The following CSMD1 variants were observed in gnomAD, a reference collection of about 807,000 sequenced individuals.
The protein encoded by CSMD1 is CUB and Sushi multiple domains 1.
Under a neutral mutation model 417.5 loss-of-function variants are expected in CSMD1, and 213 were observed. The ratio of observed to expected loss-of-function variants is 0.51; its 90% CI spans 0.46 to 0.57. CSMD1 has a LOEUF of 0.57. Among genes scored for constraint, CSMD1 ranks in the 20% least tolerant of loss-of-function variants. The pLI, the probability that CSMD1 is intolerant of heterozygous loss-of-function variation, is 0.00. For missense variants in CSMD1, 6,923 were observed against 4,529.7 expected (o/e 1.53, Z -15.17); for synonymous variants, 2,862 against 1,736.8 (o/e 1.65, Z -16.11).
chr8:3,726,808 T>A (rs562647194), intron 6 of CSMD1, among the ~76,000 whole-genome samples: 1 of 152,306 alleles, frequency 6.6e-6, no homozygotes, highest in African/African-American at 2.4e-5. Flanking sequence ...TGTGCAAATA[T>A]CTAATGTTTT....
intron 1 of CSMD1, among the ~76,000 whole-genome samples, chr8:4,886,177 G>C (rs1392839795): frequency 4.6e-5 from 7 of 151,904 alleles, no homozygotes; most frequent in Non-Finnish European, 1.0e-4. Context: ...TTTTAGTAAA[G>C]ATCAGGTTTC....
intron 1 of CSMD1, among the ~76,000 whole-genome samples, chr8:4,736,659 T>C (rs1335991930): frequency 6.6e-6 from 1 of 152,194 alleles, no homozygotes; most frequent in Non-Finnish European, 1.5e-5. Flanking sequence ...GAATGATTTT[T>C]ATGCATAACT....
intron 7 of CSMD1, among the ~76,000 whole-genome samples, chr8:3,643,008 AG>A (rs1797382925): frequency 6.6e-6 from 1 of 152,136 alleles, no homozygotes; most frequent in South Asian, 2.1e-4. Flanking sequence ...AATAGATGTA[AG>A]AAATTTTTCA....
At chr8:3,505,555 T>C (rs1049883755) in intron 10 of CSMD1, among the ~76,000 whole-genome samples, 8 of 152,174 alleles carry the variant, frequency 5.3e-5, no homozygotes, top group African/African-American at 1.9e-4. Flanking sequence ...ATACGTCACC[T>C]CACAGAATTC....
intron 26 of CSMD1, among the ~76,000 whole-genome samples, chr8:3,280,542 G>A (rs1245918037): frequency 6.6e-6 from 1 of 152,086 alleles, no homozygotes; most frequent in Non-Finnish European, 1.5e-5. Context: ...CCCTAAATGA[G>A]TATTTCTGAA....
chr8:4,359,149 C>T (rs146589435), intron 3 of CSMD1, among the ~76,000 whole-genome samples: 16 of 152,232 alleles, frequency 1.1e-4, no homozygotes, highest in East Asian at 7.7e-4. Context: ...TAGCCCAGTT[C>T]GGTCACTAAT....
intron 7 of CSMD1, among the ~76,000 whole-genome samples, chr8:3,686,512 G>C (rs938322376): frequency 6.6e-6 from 1 of 152,114 alleles, no homozygotes; most frequent in Admixed American, 6.5e-5. Flanking sequence ...CCAGTTACAA[G>C]ATCATGTCAT....
At chr8:3,583,740 T>C (rs764911760) in intron 9 of CSMD1, among the ~76,000 whole-genome samples, 3 of 152,066 alleles carry the variant, frequency 2.0e-5, no homozygotes, top group Non-Finnish European at 2.9e-5. Context: ...TGCACAAGCA[T>C]TCTAGACAGG....
At chr8:3,894,584 G>A (rs562808701) in intron 5 of CSMD1, among the ~76,000 whole-genome samples, 1 of 152,164 alleles carries the variant, frequency 6.6e-6, no homozygotes, top group East Asian at 1.9e-4. Flanking sequence ...CTATTGATTT[G>A]TTGTCTGTAT....
At chr8:4,761,826 T>C (rs929669251) in intron 1 of CSMD1, among the ~76,000 whole-genome samples, 1 of 151,556 alleles carries the variant, frequency 6.6e-6, no homozygotes, top group African/African-American at 2.4e-5. Context: ...AATAGCAAAA[T>C]AGTACCATGC....
chr8:4,395,976 A>G lies in CSMD1; in HGVS notation c.415+23977T>C, dbSNP rs554314572. 6.4e-4 allele frequency among the ~76,000 whole-genome samples: 97 copies of G among 152,308 alleles called. 1 individual carries two copies. The highest frequency in any genetic ancestry group is 2.1e-3 in the African/African-American group (88 of 41,564). On this transcript the variant is annotated intron_variant, in intron 3 of 69. Coordinates refer to ENST00000635120, the MANE Select transcript of CSMD1 (RefSeq NM_033225.6). ...TATGCCATTAACTTTAGATAAATATATTCTGTTACTTTTAAAAATGGAATG... is the reference window on the plus strand; with the variant it reads ...TATGCCATTAACTTTAGATAAATATGTTCTGTTACTTTTAAAAATGGAATG...
At chr8:3,388,246 C>T (rs1325028322) in intron 17 of CSMD1, among the ~76,000 whole-genome samples, 9 of 152,282 alleles carry the variant, frequency 5.9e-5, no homozygotes, top group Admixed American at 5.9e-4. Flanking sequence ...AAGTCAGCCA[C>T]TTGCAAGATA....
At chr8:4,331,685 G>A (rs911937447) in intron 3 of CSMD1, among the ~76,000 whole-genome samples, 1 of 152,084 alleles carries the variant, frequency 6.6e-6, no homozygotes, top group African/African-American at 2.4e-5. Flanking sequence ...GCCCCAGTTA[G>A]GTCATTTCAA....
chr8:3,632,726 G>A (rs1021760314), intron 7 of CSMD1, among the ~76,000 whole-genome samples: 1 of 151,930 alleles, frequency 6.6e-6, no homozygotes, highest in Non-Finnish European at 1.5e-5. Flanking sequence ...TTAAAAAGAT[G>A]ACCACACCAA....
chr8:3,052,568 G>C lies in CSMD1; in HGVS notation c.7554C>G (p.Val2518=). 1 of 1,610,820 alleles carries C rather than the reference G, an allele frequency of 6.2e-7. No individual in the cohort carries two copies. Among genetic ancestry groups the C allele is most frequent in the Non-Finnish European group, 8.5e-7 (1 of 1,178,596 alleles). ...GNEFTLDSKV[V]YECHEGFKLE... is the part of the protein sequence containing the mutation. ...GCTTGAAGCCCTCATGACATTCATA[G>C]ACCACTTTACTGTCCAAAGTGAACT... Residue 2518 remains valine (V), a synonymous_variant, in exon 50 of 70, where the codon GTC becomes GTG. Transcript: ENST00000635120.
chr8:3,692,887 T>A (rs975912955), intron 7 of CSMD1, among the ~76,000 whole-genome samples: 2 of 152,196 alleles, frequency 1.3e-5, no homozygotes, highest in South Asian at 4.1e-4. Flanking sequence ...GGTACTTTGA[T>A]CTTTATATCC....
At chr8:4,775,603 C>T (rs1796812995) in intron 1 of CSMD1, among the ~76,000 whole-genome samples, 1 of 152,092 alleles carries the variant, frequency 6.6e-6, no homozygotes, top group Non-Finnish European at 1.5e-5. Flanking sequence ...AGCAACTAAT[C>T]AATGTTAATT....
At chr8:4,748,697 C>G (rs980642657) in intron 1 of CSMD1, among the ~76,000 whole-genome samples, 11 of 152,186 alleles carry the variant, frequency 7.2e-5, no homozygotes, top group African/African-American at 2.4e-4. Context: ...GTGAATAGCC[C>G]ACACCTGAGT....
At chr8:3,925,076 C>G (rs545835281) in intron 5 of CSMD1, among the ~76,000 whole-genome samples, 2 of 152,294 alleles carry the variant, frequency 1.3e-5, no homozygotes, top group Admixed American at 6.5e-5. Flanking sequence ...ATGGCTATGC[C>G]TGCCCCACTT....
Sources: allele counts gnomAD v4.1 joint callset (sites outside exome capture counted in the v4.1 genomes callset), GRCh38; gene constraint gnomAD v4.1.1; transcripts MANE v1.5; gene names NCBI Gene and HGNC (gene_info 2026-07-23, HGNC 2026-07-21).